The following FRMD4A variants were observed in gnomAD, a reference collection of about 807,000 sequenced individuals.
FRMD4A encodes FERM domain containing 4A, also known as FERM domain-containing protein 4A.
Under a neutral mutation model 129.1 loss-of-function variants are expected in FRMD4A, and 29 were observed. The ratio of observed to expected loss-of-function variants is 0.22; its 90% CI spans 0.17 to 0.31. FRMD4A has a LOEUF of 0.31. Among genes scored for constraint, FRMD4A ranks in the 10% least tolerant of loss-of-function variants. FRMD4A has a pLI of 1.00. For missense variants in FRMD4A, 1,272 were observed against 1,375.8 expected (o/e 0.92, Z 1.19); for synonymous variants, 634 against 571.6 (o/e 1.11, Z -1.56).
At chr10:14,064,151 C>T (rs1834945675) in intron 2 of FRMD4A, among the ~76,000 whole-genome samples, 1 of 152,204 alleles carries the variant, frequency 6.6e-6, no homozygotes, top group Non-Finnish European at 1.5e-5. Flanking sequence ...GGAGCTACAG[C>T]CCAACAGTGG....
intron 2 of FRMD4A, among the ~76,000 whole-genome samples, chr10:14,155,068 G>C (rs1298681015): frequency 6.6e-6 from 1 of 152,192 alleles, no homozygotes; most frequent in African/African-American, 2.4e-5. Context: ...AAAGCAAGAG[G>C]ACTGCAAGCC....
At position 13,995,740 on chromosome 10, in the gene FRMD4A, G is replaced by A. The variant is rs374345095; in HGVS notation, c.46-136828C>T. 9.8e-5 allele frequency among the ~76,000 whole-genome samples: 15 copies of A among 152,294 alleles called. No homozygotes were observed. The East Asian group carries it at 1.9e-3, about 20-fold the overall frequency. ...CAATTGGTCTTCAGGAAGCCAAGTT[G>A]ACCAGTAGGCTGACATAAGCACACC... On this transcript the variant is annotated intron_variant, in intron 2 of 24. Coordinates refer to ENST00000357447, the MANE Select transcript of FRMD4A (RefSeq NM_018027.5).
chr10:13,852,540 T>A (rs940082454), intron 3 of FRMD4A, among the ~76,000 whole-genome samples: 4 of 152,358 alleles, frequency 2.6e-5, no homozygotes, highest in African/African-American at 9.6e-5. Flanking sequence ...TTAATTTTTT[T>A]AGCCATATTT....
chr10:13,890,672 A>T (rs1474822920), intron 2 of FRMD4A: 1 of 985,192 alleles, frequency 1.0e-6, no homozygotes, highest in Non-Finnish European at 1.2e-6. Flanking sequence ...AAACAGCAGT[A>T]GCAGCGTCTC....
intron 12 of FRMD4A, among the ~76,000 whole-genome samples, chr10:13,728,523 C>T (rs1284266081): frequency 1.3e-5 from 2 of 149,434 alleles, no homozygotes; most frequent in Non-Finnish European, 3.0e-5. Context: ...TATTCACCAC[C>T]CTGTACGGAA....
chr10:14,230,096 G>A (rs974851857), intron 2 of FRMD4A, among the ~76,000 whole-genome samples: 5 of 152,166 alleles, frequency 3.3e-5, no homozygotes, highest in Admixed American at 6.5e-5. Context: ...TCTTTCTAAT[G>A]ACAGCCATGT....
intron 2 of FRMD4A, among the ~76,000 whole-genome samples, chr10:14,104,448 A>G (rs539784723): frequency 6.6e-6 from 1 of 152,338 alleles, no homozygotes; most frequent in African/African-American, 2.4e-5. Context: ...CTAGAACCCC[A>G]ATCTACTTCT....
At chr10:13,889,093 T>A (rs2094662385) in intron 2 of FRMD4A, among the ~76,000 whole-genome samples, 1 of 152,210 alleles carries the variant, frequency 6.6e-6, no homozygotes, top group Non-Finnish European at 1.5e-5. Context: ...GCATAAACAA[T>A]GTAAACACAA....
intron 2 of FRMD4A, among the ~76,000 whole-genome samples, chr10:14,105,695 T>C (rs755982113): frequency 6.6e-6 from 1 of 152,208 alleles, no homozygotes; most frequent in Non-Finnish European, 1.5e-5. Context: ...CCAGATAAGG[T>C]CCATAAATAG....
In FRMD4A at chr10:14,078,298, T is replaced by C. The variant is rs190408086; in HGVS notation, c.46-219386A>G. 1.2e-4 allele frequency among the ~76,000 whole-genome samples: 18 copies of C among 152,338 alleles called. No individual in the cohort carries two copies. The East Asian group carries it at 3.1e-3, about 26-fold the overall frequency. On this transcript the variant is annotated intron_variant, in intron 2 of 24. Coordinates refer to ENST00000357447, the MANE Select transcript of FRMD4A (RefSeq NM_018027.5). ...TGGAGGGTCATTAAGCTGTGTCCTT[T>C]GTCTTCAGGCAAGATTATCTCCAAA...
At chr10:14,039,831 C>T (rs1380217513) in intron 2 of FRMD4A, among the ~76,000 whole-genome samples, 2 of 152,106 alleles carry the variant, frequency 1.3e-5, no homozygotes, top group African/African-American at 4.8e-5. Context: ...GGGCGCATGT[C>T]GTCAGGACCT....
chr10:13,825,362 C>G (rs561487920), intron 3 of FRMD4A, among the ~76,000 whole-genome samples: 4 of 152,304 alleles, frequency 2.6e-5, no homozygotes, highest in Middle Eastern at 6.8e-3. Context: ...CAGACCAGTA[C>G]TGGTCCGTGG....
At chr10:14,210,426 AAACAGACT>A (rs1409952025) in intron 2 of FRMD4A, among the ~76,000 whole-genome samples, 1 of 152,200 alleles carries the variant, frequency 6.6e-6, no homozygotes, top group Non-Finnish European at 1.5e-5. Flanking sequence ...ACAGCAGCCC[AAACAGACT>A]AACATGCAAC....
chr10:14,091,179 T>C (rs1319932135), intron 2 of FRMD4A, among the ~76,000 whole-genome samples: 1 of 152,180 alleles, frequency 6.6e-6, no homozygotes, highest in Non-Finnish European at 1.5e-5. Context: ...AAAATTCACT[T>C]AATTTCTTAA....
At chr10:13,760,386 A>T (rs147284325) in intron 8 of FRMD4A, among the ~76,000 whole-genome samples, 18 of 152,168 alleles carry the variant, frequency 1.2e-4, no homozygotes, top group African/African-American at 3.4e-4. Context: ...CGGTGCAGTG[A>T]CTCATGCCTG....
intron 2 of FRMD4A, among the ~76,000 whole-genome samples, chr10:14,287,581 C>T (rs777246355): frequency 2.6e-5 from 4 of 152,188 alleles, no homozygotes; most frequent in Admixed American, 6.5e-5. Context: ...CTGCACCCAA[C>T]GACTTCTCAG....
At chr10:13,668,809 T>C (rs771396779) in intron 17 of FRMD4A, among the ~76,000 whole-genome samples, 22 of 152,208 alleles carry the variant, frequency 1.4e-4, no homozygotes, top group Non-Finnish European at 3.1e-4. Flanking sequence ...AGAGTGGCTC[T>C]GATGACCAGC....
chr10:13,683,174 C>T (rs985066857), intron 15 of FRMD4A, among the ~76,000 whole-genome samples: 23 of 152,100 alleles, frequency 1.5e-4, no homozygotes. Flanking sequence ...CGCCACAACG[C>T]CCGACTAATA....
At chr10:13,657,626 C>T in intron 21 of FRMD4A, 104 bp from the exon 22 acceptor site, 1 of 1,417,726 alleles carries the variant, frequency 7.1e-7, no homozygotes, top group Non-Finnish European at 9.2e-7. Context: ...TGTCTGCACG[C>T]GGGCGCAGGC....
Sources: allele counts gnomAD v4.1 joint callset (sites outside exome capture counted in the v4.1 genomes callset), GRCh38; gene constraint gnomAD v4.1.1; transcripts MANE v1.5; gene names NCBI Gene and HGNC (gene_info 2026-07-23, HGNC 2026-07-21).